The following CLSTN2 variants were observed in gnomAD, a reference collection of about 807,000 sequenced individuals.
CLSTN2 encodes the protein calsyntenin-2.
A neutral mutation model predicts 101.2 loss-of-function variants in CLSTN2; 48 were observed. The observed-to-expected ratio is 0.47, with a 90% CI of 0.38 to 0.60. The LOEUF is 0.60. Ranked by LOEUF, CLSTN2 falls within the 20% of genes least tolerant of loss-of-function variation. CLSTN2 has a pLI of 0.00. For synonymous variants in CLSTN2, 481 were observed against 463.6 expected (o/e 1.04, Z -0.48); for missense variants, 1,160 against 1,238.2 (o/e 0.94, Z 0.95).
At chr3:140,089,551 G>A (rs1001543164) in intron 1 of CLSTN2, among the ~76,000 whole-genome samples, 18 of 151,672 alleles carry the variant, frequency 1.2e-4, no homozygotes, top group Non-Finnish European at 1.9e-4. Context: ...TTTTGAGGGT[G>A]CTCTATTTTG....
chr3:140,228,049 T>C (rs1277129329), intron 2 of CLSTN2, among the ~76,000 whole-genome samples: 3 of 152,234 alleles, frequency 2.0e-5, no homozygotes, highest in Non-Finnish European at 4.4e-5. Flanking sequence ...ATTTGTCTCC[T>C]CGTTACTTAT....
At chr3:140,131,224 T>C (rs1488592230) in intron 1 of CLSTN2, among the ~76,000 whole-genome samples, 9 of 152,058 alleles carry the variant, frequency 5.9e-5, no homozygotes, top group Non-Finnish European at 1.2e-4. Context: ...TAATCTCTGC[T>C]TGGGTTCTTA....
chr3:140,381,815 A>C (rs1262672314), intron 2 of CLSTN2, among the ~76,000 whole-genome samples: 1 of 152,252 alleles, frequency 6.6e-6, no homozygotes, highest in Non-Finnish European at 1.5e-5. Flanking sequence ...GGAGCTTTCC[A>C]TTATTACACA....
At chr3:140,275,185 T>C (rs2086781973) in intron 2 of CLSTN2, among the ~76,000 whole-genome samples, 2 of 152,098 alleles carry the variant, frequency 1.3e-5, no homozygotes, top group Admixed American at 1.3e-4. Context: ...TGAAGCCACC[T>C]TCCACAGAAC....
intron 15 of CLSTN2, among the ~76,000 whole-genome samples, chr3:140,563,553 T>A (rs1459013507): frequency 6.6e-6 from 1 of 152,134 alleles, no homozygotes; most frequent in Admixed American, 6.5e-5. Flanking sequence ...CTGCCCAAAT[T>A]TCTATTTGAG....
At chr3:140,192,792 AT>A (rs2010587737) in intron 2 of CLSTN2, among the ~76,000 whole-genome samples, 3 of 151,626 alleles carry the variant, frequency 2.0e-5, no homozygotes, top group African/African-American at 4.8e-5. Flanking sequence ...GATCATTTAT[AT>A]TTATATGGTA....
rs186866527 is a variant in CLSTN2 at position 140,397,368 on chromosome 3, T to G, written c.233-6261T>G. On this transcript the variant is annotated intron_variant, in intron 2 of 16. Transcript: ENST00000458420. Reference sequence around the variant, plus strand: ...TTAAGTTATAGATATTCTTCTCTGATAGTACACCAGAGCTCCACAAATAAT... The same window carrying G: ...TTAAGTTATAGATATTCTTCTCTGAGAGTACACCAGAGCTCCACAAATAAT... Among the ~76,000 whole-genome samples the G allele has an allele frequency of 1.2e-4, 19 of 152,330 alleles. No individual in the cohort carries two copies. The East Asian group carries it at 3.7e-3, about 29-fold the overall frequency.
At chr3:140,555,465 G>T (rs1001018353) in intron 10 of CLSTN2, among the ~76,000 whole-genome samples, 3 of 152,294 alleles carry the variant, frequency 2.0e-5, no homozygotes, top group Admixed American at 6.5e-5. Flanking sequence ...TGGGACTGTG[G>T]AAACTGGGTG....
At chr3:140,224,478 C>T (rs774329336) in intron 2 of CLSTN2, among the ~76,000 whole-genome samples, 1 of 152,098 alleles carries the variant, frequency 6.6e-6, no homozygotes, top group Non-Finnish European at 1.5e-5. Context: ...AATGAGGAGC[C>T]CTGCCAGCAT....
At chr3:140,557,381 C>T (rs942332477) in intron 11 of CLSTN2, among the ~76,000 whole-genome samples, 5 of 152,212 alleles carry the variant, frequency 3.3e-5, no homozygotes, top group African/African-American at 1.2e-4. Flanking sequence ...GAAAAAAACC[C>T]CGCAGATGGT....
intron 1 of CLSTN2, among the ~76,000 whole-genome samples, chr3:140,002,484 C>A (rs568666915): frequency 8.4e-4 from 128 of 152,242 alleles, no homozygotes; most frequent in Non-Finnish European, 1.3e-3. Flanking sequence ...GAGTAATTTG[C>A]AAATATTTTC....
At chr3:140,036,035 G>A (rs887910010) in intron 1 of CLSTN2, among the ~76,000 whole-genome samples, 2 of 152,186 alleles carry the variant, frequency 1.3e-5, no homozygotes, top group Non-Finnish European at 1.5e-5. Context: ...TCTCTGCATG[G>A]CATTTATCAC....
chr3:140,299,041 CA>C (rs2087029571), intron 2 of CLSTN2, among the ~76,000 whole-genome samples: 1 of 152,172 alleles, frequency 6.6e-6, no homozygotes, highest in South Asian at 2.1e-4. Context: ...GCCTCACTGT[CA>C]CCTGGGCTCT....
At chr3:140,538,534 T>C (rs148810692) in intron 9 of CLSTN2, among the ~76,000 whole-genome samples, 6 of 152,332 alleles carry the variant, frequency 3.9e-5, no homozygotes, top group African/African-American at 1.4e-4. Context: ...TTTGTGGGTA[T>C]AGGGAAACTG....
At chr3:140,226,859 A>AT (rs2086325433) in intron 2 of CLSTN2, among the ~76,000 whole-genome samples, 1 of 152,166 alleles carries the variant, frequency 6.6e-6, no homozygotes, top group Non-Finnish European at 1.5e-5. Context: ...AAAAACTCCC[A>AT]TTTTTAAAAC....
At chr3:140,344,626 T>G (rs2087524911) in intron 2 of CLSTN2, among the ~76,000 whole-genome samples, 1 of 152,180 alleles carries the variant, frequency 6.6e-6, no homozygotes, top group Non-Finnish European at 1.5e-5. Flanking sequence ...CTACTCATCT[T>G]TTGAGATTCC....
At chr3:140,490,556 C>G (rs888473395) in intron 8 of CLSTN2, among the ~76,000 whole-genome samples, 26 of 144,834 alleles carry the variant, frequency 1.8e-4, no homozygotes, top group African/African-American at 6.6e-4. Context: ...GATTGTGCCA[C>G]TGTACTCCAT....
chr3:140,295,069 C>T (rs2086990076), intron 2 of CLSTN2, among the ~76,000 whole-genome samples: 1 of 152,132 alleles, frequency 6.6e-6, no homozygotes, highest in Non-Finnish European at 1.5e-5. Flanking sequence ...ACATTCGGTC[C>T]ATAATACCTT....
rs1196960034 is a variant in CLSTN2, at chr3:140,257,034, A to G, written c.232+80961A>G. 2.6e-5 allele frequency among the ~76,000 whole-genome samples: 4 copies of G among 152,176 alleles called. No individual in the cohort carries two copies. In the East Asian group the frequency reaches 7.7e-4, roughly 29 times the overall value. ...CCGGGCGCGATGGCTCACGCTTGTA[A>G]TCCCAGCACTTTGAATGGGCACTTA... On this transcript the variant is annotated intron_variant, in intron 2 of 16. Transcript: ENST00000458420.
Sources: allele counts gnomAD v4.1 joint callset (sites outside exome capture counted in the v4.1 genomes callset), GRCh38; gene constraint gnomAD v4.1.1; transcripts MANE v1.5; gene names NCBI Gene and HGNC (gene_info 2026-07-23, HGNC 2026-07-21).